The following GPC6 variants were observed in gnomAD, a reference collection of about 807,000 sequenced individuals.
The protein encoded by GPC6 is glypican 6, also known as glypican-6.
In GPC6, 14 loss-of-function variants were observed where a neutral mutation model predicts 55.2. That is an observed-to-expected ratio of 0.25 (90% CI 0.17 to 0.40). The LOEUF is 0.40. GPC6 is among the 10% of genes least tolerant of loss of function. The probability of loss-of-function intolerance (pLI) is 1.00; values close to 1 mark genes in which losing one functional copy is unlikely to be tolerated. For synonymous variants in GPC6, 278 were observed against 259.6 expected (o/e 1.07, Z -0.68); for missense variants, 641 against 708.5 (o/e 0.90, Z 1.08).
At chr13:93,441,314 G>A (rs1566359137) in intron 1 of GPC6, among the ~76,000 whole-genome samples, 1 of 151,118 alleles carries the variant, frequency 6.6e-6, no homozygotes, top group South Asian at 2.1e-4. Context: ...CCCACCAACA[G>A]TGTAGAAGTG....
chr13:93,235,163 C>T (rs548146670), intron 1 of GPC6, among the ~76,000 whole-genome samples: 1 of 152,088 alleles, frequency 6.6e-6, no homozygotes, highest in East Asian at 1.9e-4. Context: ...ATAATAACAA[C>T]GAGAGGTTGA....
At chr13:94,246,445 A>C (rs1240760714) in intron 4 of GPC6, among the ~76,000 whole-genome samples, 2 of 152,096 alleles carry the variant, frequency 1.3e-5, no homozygotes, top group Non-Finnish European at 1.5e-5. Flanking sequence ...AGCCAGTGTC[A>C]AGGAGCTTTT....
chr13:93,328,832 GTAA>G (rs976941085), intron 1 of GPC6, among the ~76,000 whole-genome samples: 3 of 152,118 alleles, frequency 2.0e-5, no homozygotes, highest in African/African-American at 7.2e-5. Flanking sequence ...GAAGGACTGT[GTAA>G]TATTGGAAAA....
chr13:93,552,684 C>T (rs537235039), intron 2 of GPC6, among the ~76,000 whole-genome samples: 138 of 152,280 alleles, frequency 9.1e-4, no homozygotes, highest in African/African-American at 3.0e-3. Flanking sequence ...ATCTTATTAT[C>T]ACCAATTCCC....
intron 3 of GPC6, among the ~76,000 whole-genome samples, chr13:93,866,294 C>G (rs1444474528): frequency 6.6e-6 from 1 of 151,682 alleles, no homozygotes; most frequent in Non-Finnish European, 1.5e-5. Context: ...GAAAAAGGAA[C>G]ACAAAACCGA....
intron 4 of GPC6, among the ~76,000 whole-genome samples, chr13:94,200,171 A>AC (rs1459200522): frequency 3.3e-5 from 5 of 151,550 alleles, no homozygotes; most frequent in Admixed American, 6.6e-5. Flanking sequence ...AAAAAAAAAA[A>AC]ACCACATGTT....
chr13:93,649,539 C>A (rs1453655137), intron 2 of GPC6, among the ~76,000 whole-genome samples: 1 of 152,092 alleles, frequency 6.6e-6, no homozygotes, highest in Non-Finnish European at 1.5e-5. Context: ...TATACATAAA[C>A]CATAGATTGT....
intron 3 of GPC6, among the ~76,000 whole-genome samples, chr13:93,876,616 T>G (rs536957912): frequency 1.3e-5 from 2 of 152,232 alleles, no homozygotes; most frequent in African/African-American, 4.8e-5. Flanking sequence ...ACATTGCTGT[T>G]AGAATCTGAT....
At chr13:93,858,167 G>T (rs1888686598) in intron 3 of GPC6, among the ~76,000 whole-genome samples, 1 of 151,554 alleles carries the variant, frequency 6.6e-6, no homozygotes, top group African/African-American at 2.4e-5. Context: ...TTTCAGTGCT[G>T]AAAGTGCTTC....
At chr13:93,767,424 A>G (rs1422306209) in intron 2 of GPC6, among the ~76,000 whole-genome samples, 1 of 152,174 alleles carries the variant, frequency 6.6e-6, no homozygotes, top group African/African-American at 2.4e-5. Context: ...AAAAAAGCAA[A>G]TTTGTACTTT....
intron 6 of GPC6, among the ~76,000 whole-genome samples, chr13:94,335,998 G>A (rs1266524814): frequency 1.3e-5 from 2 of 151,730 alleles, no homozygotes; most frequent in African/African-American, 4.8e-5. Context: ...TACTTGGACA[G>A]AAGCCCAGGA....
intron 1 of GPC6, among the ~76,000 whole-genome samples, chr13:93,308,175 CT>C (rs1282308344): frequency 6.6e-6 from 1 of 152,100 alleles, no homozygotes; most frequent in Non-Finnish European, 1.5e-5. Context: ...GTCCCAGCTA[CT>C]CGGGAGGCTG....
intron 2 of GPC6, among the ~76,000 whole-genome samples, chr13:93,789,507 CTCTATATATA>C (rs1229720448): frequency 1.8e-4 from 16 of 89,960 alleles, no homozygotes; most frequent in African/African-American, 6.7e-4. Context: ...CTCTCTCTCT[CTCTATATATA>C]TATATATATA....
intron 2 of GPC6, among the ~76,000 whole-genome samples, chr13:93,573,952 A>G (rs1190175526): frequency 6.6e-6 from 1 of 152,096 alleles, no homozygotes. Context: ...GAGTTGAGAG[A>G]CATGAGGTGT....
chr13:94,090,611 A>G (rs562773024), intron 4 of GPC6, among the ~76,000 whole-genome samples: 2 of 152,300 alleles, frequency 1.3e-5, no homozygotes, highest in Non-Finnish European at 2.9e-5. Flanking sequence ...GTTCTTTTGT[A>G]TAAACTTGTA....
At chr13:93,523,575 G>T (rs547551802) in intron 1 of GPC6, among the ~76,000 whole-genome samples, 1 of 151,796 alleles carries the variant, frequency 6.6e-6, no homozygotes, top group East Asian at 1.9e-4. Context: ...CTCATTTGCT[G>T]CAATATGTCA....
At chr13:94,125,620 C>T (rs1458124967) in intron 4 of GPC6, among the ~76,000 whole-genome samples, 1 of 152,068 alleles carries the variant, frequency 6.6e-6, no homozygotes, top group East Asian at 1.9e-4. Flanking sequence ...AGCAAACCAC[C>T]CAGGAGAGAC....
chr13:93,765,249 T>TTTCCAGATAAGCTGTCTGGAAAGACAACC, intron 2 of GPC6, among the ~76,000 whole-genome samples: 1 of 78,380 alleles, frequency 1.3e-5, no homozygotes, highest in Non-Finnish European at 3.7e-5. Context: ...GAAAGACAAC[T>TTTCCAGATAAGCTGTCTGGAAAGACAACC]TTCCAGATAA....
At chr13:94,355,418 T>G (rs956991898) in intron 6 of GPC6, among the ~76,000 whole-genome samples, 4 of 152,150 alleles carry the variant, frequency 2.6e-5, no homozygotes, top group South Asian at 2.1e-4. Context: ...GTCAGTTACC[T>G]TTTATTTTCA....
Sources: allele counts gnomAD v4.1 joint callset (sites outside exome capture counted in the v4.1 genomes callset), GRCh38; gene constraint gnomAD v4.1.1; transcripts MANE v1.5; gene names NCBI Gene and HGNC (gene_info 2026-07-23, HGNC 2026-07-21).